TTC28: variants seen among roughly 807,000 people sequenced by gnomAD.
The protein encoded by TTC28 is tetratricopeptide repeat protein 28.
In TTC28, 61 loss-of-function variants were observed where a neutral mutation model predicts 198.0. The observed-to-expected ratio is 0.31, with a 90% CI of 0.25 to 0.38. TTC28 has a LOEUF of 0.38. Among genes scored for constraint, TTC28 ranks in the 10% least tolerant of loss-of-function variants. The pLI, the probability that TTC28 is intolerant of heterozygous loss-of-function variation, is 1.00. For missense variants in TTC28, 2,678 were observed against 3,164.0 expected (o/e 0.85, Z 3.69); for synonymous variants, 1,171 against 1,297.8 (o/e 0.90, Z 2.10).
At chr22:28,606,607 A>AT (rs561102004) in intron 2 of TTC28, among the ~76,000 whole-genome samples, 229 of 152,254 alleles carry the variant, frequency 1.5e-3, no homozygotes, top group Non-Finnish European at 2.8e-3. Flanking sequence ...ATTGTTTGAA[A>AT]TTTTTCCAAA....
At chr22:28,423,961 A>C (rs1453708471) in intron 2 of TTC28, among the ~76,000 whole-genome samples, 2 of 152,200 alleles carry the variant, frequency 1.3e-5, no homozygotes, top group Admixed American at 6.5e-5. Flanking sequence ...CACTCAACTC[A>C]TATGAATTAA....
intron 1 of TTC28, among the ~76,000 whole-genome samples, chr22:28,675,776 A>C (rs1422332784): frequency 8.7e-6 from 1 of 114,764 alleles, no homozygotes; most frequent in Non-Finnish European, 2.0e-5. Flanking sequence ...CACACACACA[A>C]TGTAAAAAGA....
intron 2 of TTC28, among the ~76,000 whole-genome samples, chr22:28,464,588 C>A (rs558783098): frequency 1.3e-5 from 2 of 152,112 alleles, no homozygotes; most frequent in East Asian, 3.9e-4. Flanking sequence ...TGATAAAATT[C>A]TATCTGTCTT....
intron 6 of TTC28, among the ~76,000 whole-genome samples, chr22:28,126,416 T>A (rs2146952486): frequency 6.6e-6 from 1 of 152,318 alleles, no homozygotes; most frequent in African/African-American, 2.4e-5. Flanking sequence ...ATTCTTCCAA[T>A]CCTGCTCTCT....
chr22:28,238,405 A>G (rs1033267849), intron 5 of TTC28, among the ~76,000 whole-genome samples: 10 of 152,046 alleles, frequency 6.6e-5, no homozygotes, highest in Non-Finnish European at 1.0e-4. Flanking sequence ...TATTTTTCCA[A>G]TCCAGAAGTT....
chr22:28,069,645 A>C lies in TTC28; in HGVS notation c.3932+24435T>G, dbSNP rs117420287. Among the ~76,000 whole-genome samples, 129 of 152,288 alleles carry C rather than the reference A, an allele frequency of 8.5e-4. No homozygotes were observed. The East Asian group carries it at 0.02, about 23-fold the overall frequency. On this transcript the variant is annotated intron_variant, in intron 12 of 22. Coordinates refer to ENST00000397906, the MANE Select transcript of TTC28 (RefSeq NM_001145418.2). ...AACCAAAATGACAAGTATTATATAGAATCTGGATTCTCTTGCCTGTTTGAC... is the reference window on the plus strand; with the variant it reads ...AACCAAAATGACAAGTATTATATAGCATCTGGATTCTCTTGCCTGTTTGAC...
intron 5 of TTC28, among the ~76,000 whole-genome samples, chr22:28,193,384 G>A (rs571256322): frequency 4.6e-5 from 7 of 152,050 alleles, no homozygotes; most frequent in Non-Finnish European, 8.8e-5. Context: ...TCAACTAACG[G>A]GCAAAATAAC....
At chr22:28,066,972 C>A (rs556909354) in intron 12 of TTC28, among the ~76,000 whole-genome samples, 21 of 152,208 alleles carry the variant, frequency 1.4e-4, no homozygotes, top group African/African-American at 4.6e-4. Flanking sequence ...GATCAAGCAG[C>A]CCTTTCTCCA....
chr22:28,239,000 T>C (rs1385390782), intron 5 of TTC28, among the ~76,000 whole-genome samples: 2 of 152,164 alleles, frequency 1.3e-5, no homozygotes, highest in African/African-American at 2.4e-5. Flanking sequence ...ACCTGCAAAG[T>C]ATTCTAGGTA....
intron 2 of TTC28, among the ~76,000 whole-genome samples, chr22:28,579,096 CTA>C (rs1164539208): frequency 6.6e-6 from 1 of 150,728 alleles, no homozygotes; most frequent in African/African-American, 2.4e-5. Context: ...ATACATATAG[CTA>C]TATATATGTA....
chr22:28,477,976 G>C (rs955067188), intron 2 of TTC28, among the ~76,000 whole-genome samples: 2 of 152,160 alleles, frequency 1.3e-5, no homozygotes, highest in Admixed American at 6.5e-5. Flanking sequence ...ACTCACATTA[G>C]TGAGTCCCTC....
At chr22:28,340,948 C>T (rs1344961627) in intron 2 of TTC28, among the ~76,000 whole-genome samples, 2 of 152,124 alleles carry the variant, frequency 1.3e-5, no homozygotes, top group Non-Finnish European at 2.9e-5. Context: ...ATGCCTTTTT[C>T]CAGCATTAAA....
chr22:28,082,081 C>T (rs889138548), intron 12 of TTC28, among the ~76,000 whole-genome samples: 10 of 152,092 alleles, frequency 6.6e-5, no homozygotes, highest in African/African-American at 2.2e-4. Context: ...TAGAAACACA[C>T]TTGATTTTTG....
intron 1 of TTC28, among the ~76,000 whole-genome samples, chr22:28,659,980 A>C: frequency 6.6e-6 from 1 of 151,230 alleles, no homozygotes; most frequent in East Asian, 2.0e-4. Context: ...TGTATTTTGG[A>C]GATGGGGTTT....
intron 2 of TTC28, among the ~76,000 whole-genome samples, chr22:28,368,986 A>C (rs2046288306): frequency 6.6e-6 from 1 of 152,144 alleles, no homozygotes; most frequent in African/African-American, 2.4e-5. Flanking sequence ...CTACGGATTC[A>C]ATGTAATCCC....
chr22:28,009,900 C>T (rs1175198571), intron 14 of TTC28, among the ~76,000 whole-genome samples: 2 of 152,210 alleles, frequency 1.3e-5, no homozygotes, highest in Non-Finnish European at 2.9e-5. Context: ...CACAATGGAT[C>T]ATTTTAGTTA....
intron 2 of TTC28, among the ~76,000 whole-genome samples, chr22:28,558,724 A>T (rs1266797940): frequency 6.7e-6 from 1 of 150,018 alleles, no homozygotes; most frequent in African/African-American, 2.5e-5. Context: ...TTCATAATAG[A>T]TTATCCTAAA....
At chr22:28,587,370 T>C (rs139347955) in intron 2 of TTC28, among the ~76,000 whole-genome samples, 4 of 152,100 alleles carry the variant, frequency 2.6e-5, no homozygotes, top group Admixed American at 1.3e-4. Context: ...TCTCAAAAAA[T>C]AGTAATAATA....
chr22:28,345,400 C>T (rs888129194), intron 2 of TTC28, among the ~76,000 whole-genome samples: 3 of 152,142 alleles, frequency 2.0e-5, no homozygotes, highest in African/African-American at 7.2e-5. Context: ...CTATTGAATC[C>T]TCAAGTCCGG....
Sources: allele counts gnomAD v4.1 joint callset (sites outside exome capture counted in the v4.1 genomes callset), GRCh38; gene constraint gnomAD v4.1.1; transcripts MANE v1.5; gene names NCBI Gene and HGNC (gene_info 2026-07-23, HGNC 2026-07-21).